Variants in SPATS2 observed in about 807,000 individuals in gnomAD.
The protein encoded by SPATS2 is spermatogenesis associated serine rich 2.
Under a neutral mutation model 63.7 loss-of-function variants are expected in SPATS2, and 38 were observed. That is an observed-to-expected ratio of 0.60 (90% CI 0.46 to 0.78). The LOEUF (loss-of-function observed/expected upper bound fraction) is 0.78, where lower values mean the gene tolerates loss of function less well. SPATS2 is among the 30% of genes least tolerant of loss of function. The probability of loss-of-function intolerance (pLI) is 0.00; values close to 1 mark genes in which losing one functional copy is unlikely to be tolerated. For missense variants in SPATS2, 588 were observed against 666.2 expected, an observed-to-expected ratio of 0.88 and a Z score of 1.29; for synonymous variants, 207 against 232.9, an observed-to-expected ratio of 0.89 and a Z score of 1.01.
At chr12:49,498,568 CTG>C (rs1451608536) in intron 8 of SPATS2, among the ~76,000 whole-genome samples, 1 of 151,906 alleles carries the variant, frequency 6.6e-6, no homozygotes, top group Non-Finnish European at 1.5e-5. Context: ...TCTTTTTTCT[CTG>C]TGTGTTTCAT....
In SPATS2 at chr12:49,486,793, GA is replaced by G. The variant is rs541463305; in HGVS notation, c.105+2132del. 1.8e-3 allele frequency among the ~76,000 whole-genome samples: 270 copies of G among 148,676 alleles called. 1 individual carries two copies. Among genetic ancestry groups the G allele is most frequent in the African/African-American group, 6.2e-3 (250 of 40,604 alleles). ...GAGACTCCGTCAAAAAAAAAAAAAA[GA>G]AAAAAAAGAGAGAGAAACCAGTATC... On this transcript the variant is annotated intron_variant, in intron 4 of 13. Coordinates refer to ENST00000552918, the MANE Select transcript of SPATS2 (RefSeq NM_023071.4).
At chr12:49,437,501 G>T (rs549597844) in intron 2 of SPATS2, among the ~76,000 whole-genome samples, 1 of 152,160 alleles carries the variant, frequency 6.6e-6, no homozygotes, top group Admixed American at 6.5e-5. Context: ...AGGTTGTAGC[G>T]AGCCGAGATC....
intron 2 of SPATS2, 24 bp from the exon 3 acceptor site, chr12:49,460,746 G>T (rs1945807989): frequency 2.0e-6 from 1 of 502,802 alleles, no homozygotes; most frequent in Admixed American, 3.6e-5. Context: ...AATAGTATAT[G>T]TGTGTTTGTG....
chr12:49,380,145 TATCAACCTC>T (rs1944188986), intron 2 of SPATS2, among the ~76,000 whole-genome samples: 2 of 151,794 alleles, frequency 1.3e-5, no homozygotes, highest in South Asian at 4.2e-4. Flanking sequence ...TGGTCTCATG[TATCAACCTC>T]ATTCCTCTCT....
intron 2 of SPATS2, among the ~76,000 whole-genome samples, chr12:49,408,414 G>A (rs562216818): frequency 1.1e-4 from 16 of 151,524 alleles, no homozygotes; most frequent in East Asian, 1.9e-4. Context: ...CACCATGCCC[G>A]GCTAATTTTT....
intron 2 of SPATS2, among the ~76,000 whole-genome samples, chr12:49,430,873 T>C (rs1233289914): frequency 6.6e-6 from 1 of 151,970 alleles, no homozygotes; most frequent in East Asian, 1.9e-4. Flanking sequence ...CTAATTTTTG[T>C]ATTTTTAGTA....
At chr12:49,374,291 G>A (rs1383199335) in intron 2 of SPATS2, among the ~76,000 whole-genome samples, 1 of 152,042 alleles carries the variant, frequency 6.6e-6, no homozygotes, top group African/African-American at 2.4e-5. Context: ...ATGGCAGTCA[G>A]CTAGTTTTAA....
intron 2 of SPATS2, among the ~76,000 whole-genome samples, chr12:49,458,425 G>A (rs1486344485): frequency 1.3e-5 from 2 of 151,980 alleles, no homozygotes; most frequent in East Asian, 1.9e-4. Context: ...CCAAGATCGC[G>A]CCATTGCACT....
chr12:49,425,862 A>C (rs1366345243), intron 2 of SPATS2, among the ~76,000 whole-genome samples: 2 of 150,156 alleles, frequency 1.3e-5, no homozygotes, highest in African/African-American at 4.9e-5. Flanking sequence ...CGAACTCCTG[A>C]CCTCAAGCGA....
chr12:49,461,930 G>A (rs899188270), intron 3 of SPATS2, among the ~76,000 whole-genome samples: 4 of 152,016 alleles, frequency 2.6e-5, no homozygotes, highest in South Asian at 2.1e-4. Flanking sequence ...ATTTACCAAC[G>A]GAAAAGTTTT....
At chr12:49,398,065 C>T (rs561286808) in intron 2 of SPATS2, among the ~76,000 whole-genome samples, 2 of 133,116 alleles carry the variant, frequency 1.5e-5, no homozygotes, top group East Asian at 2.1e-4. Flanking sequence ...TGCTTGGGCC[C>T]AGGAGGTGCA....
At chr12:49,473,047 T>TC (rs1457565369) in intron 3 of SPATS2, among the ~76,000 whole-genome samples, 4 of 121,714 alleles carry the variant, frequency 3.3e-5, no homozygotes. Flanking sequence ...AGACCCTGTC[T>TC]CAAAAAAAAA....
chr12:49,392,116 G>A (rs1209286311), intron 2 of SPATS2, among the ~76,000 whole-genome samples: 2 of 152,174 alleles, frequency 1.3e-5, no homozygotes, highest in African/African-American at 4.8e-5. Context: ...CAGCTCTACT[G>A]TAAAAGATTA....
chr12:49,427,127 G>A (rs1945094342), intron 2 of SPATS2, among the ~76,000 whole-genome samples: 1 of 151,970 alleles, frequency 6.6e-6, no homozygotes, highest in Non-Finnish European at 1.5e-5. Context: ...TCCTCCTATG[G>A]CAAACAATAA....
chr12:49,526,455 C>T lies in SPATS2; in HGVS notation c.*200C>T. On this transcript the variant is annotated 3_prime_UTR_variant, in exon 14 of 14. Transcript: ENST00000552918. ...GGGGAAGCTATTTTTTTTCCTTGAT[C>T]TTTCCCAGTGATATGGATTGAATCT... The T allele has an allele frequency of 1.5e-6, 1 of 664,312 alleles. No individual in the cohort carries two copies. The highest frequency in any genetic ancestry group is 2.5e-6 in the Non-Finnish European group (1 of 407,672). The allele number at this position is 664,312 out of a possible 1,614,324, so 41.2% of individuals were successfully genotyped here. A position where few individuals can be genotyped will look rare whatever the true frequency, so the allele number is the denominator to read the frequency against.
intron 9 of SPATS2, among the ~76,000 whole-genome samples, chr12:49,501,141 G>A (rs1241313526): frequency 6.6e-6 from 1 of 152,084 alleles, no homozygotes; most frequent in Non-Finnish European, 1.5e-5. Flanking sequence ...TAAATATTTT[G>A]TAGAAATGTG....
chr12:49,521,002 AGCCACCAC>A (rs377276422), intron 11 of SPATS2, among the ~76,000 whole-genome samples: 1 of 152,234 alleles, frequency 6.6e-6, no homozygotes, highest in Non-Finnish European at 1.5e-5. Flanking sequence ...TACAGGCATG[AGCCACCAC>A]GCCTGGCCAA....
chr12:49,418,740 C>T (rs995867771), intron 2 of SPATS2, among the ~76,000 whole-genome samples: 3 of 152,114 alleles, frequency 2.0e-5, no homozygotes, highest in African/African-American at 4.8e-5. Context: ...TGTGGCCAGC[C>T]GACTAAATTA....
At position 49,389,460 on chromosome 12, in the gene SPATS2, C is replaced by T. The variant is rs1477018831; in HGVS notation, c.-244+18170C>T. On this transcript the variant is annotated intron_variant, in intron 2 of 13. Coordinates refer to ENST00000552918, the MANE Select transcript of SPATS2 (RefSeq NM_023071.4). ...GTCCCGGTTGGTAGAGGCTTTGAGT[C>T]CTCATCGCCACAGCTGACGGCTGCG... 9.9e-6 allele frequency: 7 copies of T among 705,154 alleles called. No individual in the cohort carries two copies. In the East Asian group the frequency reaches 1.8e-4, roughly 18 times the overall value. The allele number at this position is 705,154 out of a possible 1,614,324, so 43.7% of individuals were successfully genotyped here.
Sources: allele counts gnomAD v4.1 joint callset (sites outside exome capture counted in the v4.1 genomes callset), GRCh38; gene constraint gnomAD v4.1.1; transcripts MANE v1.5; gene names NCBI Gene and HGNC (gene_info 2026-07-23, HGNC 2026-07-21).